FYTTD1: variants seen among roughly 807,000 people sequenced by gnomAD.
FYTTD1 encodes UAP56-interacting factor.
Under a neutral mutation model 40.9 loss-of-function variants are expected in FYTTD1, and 22 were observed. The observed-to-expected ratio is 0.54, with a 90% CI of 0.38 to 0.77. The LOEUF is 0.77. Ranked by LOEUF, FYTTD1 falls within the 30% of genes least tolerant of loss-of-function variation. The pLI, the probability that FYTTD1 is intolerant of heterozygous loss-of-function variation, is 0.00. For synonymous variants in FYTTD1, 140 were observed against 137.9 expected (o/e 1.01, Z -0.10); for missense variants, 351 against 392.2 (o/e 0.90, Z 0.89).
At chr3:197,751,530 C>T (rs925053042) in intron 1 of FYTTD1, among the ~76,000 whole-genome samples, 1 of 152,056 alleles carries the variant, frequency 6.6e-6, no homozygotes, top group Non-Finnish European at 1.5e-5. Flanking sequence ...GCCTGTAATC[C>T]CAGCTAAGAC....
In FYTTD1 at chr3:197,782,053, TTAA is replaced by T; in HGVS notation, c.*145_*147del. 1 of 454,136 alleles carries T rather than the reference TTAA, an allele frequency of 2.2e-6. No homozygotes were observed. Among genetic ancestry groups the T allele is most frequent in the Non-Finnish European group, 4.0e-6 (1 of 252,720 alleles). The allele number at this position is 454,136 out of a possible 1,614,324, so 28.1% of individuals were successfully genotyped here. On this transcript the variant is annotated 3_prime_UTR_variant, in exon 9 of 9. Transcript: ENST00000241502. ...TTTTTATTTTTGAAGGTTTTTTTTT[TTAA>T]AAAAAAAAACGTATAAAATAATGCC...
Position 197,750,626 on chromosome 3 carries a change from C to T in FYTTD1, c.103+552C>T, listed in dbSNP as rs950041176. ...GGCCATGGCTGCCGGGCGCGACTCT[C>T]GGGGCCACCTCCGGCCGCGGCCCCG... On this transcript the variant is annotated intron_variant, in intron 1 of 8. Coordinates refer to ENST00000241502, the MANE Select transcript of FYTTD1 (RefSeq NM_032288.7). The T allele has an allele frequency of 3.0e-6, 3 of 985,140 alleles. No homozygotes were observed. In the African/African-American group the frequency reaches 5.2e-5, roughly 17 times the overall value. The allele number at this position is 985,140 out of a possible 1,614,324, so 61.0% of individuals were successfully genotyped here.
Position 197,785,443 on chromosome 3 carries a change from C to T in FYTTD1, c.*3534C>T, listed in dbSNP as rs1292198193. 1.3e-5 allele frequency: 2 copies of T among 152,166 alleles called. No homozygotes were observed. The highest frequency in any genetic ancestry group is 2.9e-5 in the Non-Finnish European group (2 of 68,038). 9.4% of individuals were successfully genotyped at this position (152,166 alleles called of 1,614,324 possible). A position where few individuals can be genotyped will look rare whatever the true frequency, so the allele number is the denominator to read the frequency against. On this transcript the variant is annotated 3_prime_UTR_variant, in exon 9 of 9. Transcript: ENST00000241502. ...GTTGTTGAAGGGCCAACTGTTTAAG[C>T]CAATCGTAAAATACTGTGTCTGAGG...
At chr3:197,762,147 T>C (rs1431969434) in intron 2 of FYTTD1, among the ~76,000 whole-genome samples, 2 of 152,214 alleles carry the variant, frequency 1.3e-5, no homozygotes, top group Non-Finnish European at 2.9e-5. Context: ...AGTGTTAGTA[T>C]TTCAACATGT....
chr3:197,749,866 C>T, upstream of FYTTD1: 3 of 674,002 alleles, frequency 4.5e-6, no homozygotes, highest in Non-Finnish European at 4.5e-6. Context: ...ACGGCGCCGG[C>T]GCGTGCGCGC....
intron 1 of FYTTD1, among the ~76,000 whole-genome samples, chr3:197,751,097 TC>T (rs548427646): frequency 8.0e-4 from 122 of 152,338 alleles, no homozygotes; most frequent in Middle Eastern, 6.8e-3. Context: ...GCGTACCCTT[TC>T]CCAGGACGGT....
At chr3:197,779,181 G>A (rs1400381589) in intron 8 of FYTTD1, among the ~76,000 whole-genome samples, 1 of 152,164 alleles carries the variant, frequency 6.6e-6, no homozygotes, top group Non-Finnish European at 1.5e-5. Context: ...TTGGGAGGCC[G>A]AGGTGGGGAG....
chr3:197,765,787 G>C (rs937409012), intron 2 of FYTTD1, among the ~76,000 whole-genome samples: 16 of 151,866 alleles, frequency 1.1e-4, no homozygotes, highest in African/African-American at 3.4e-4. Context: ...ACAAGGTCAG[G>C]AGATCAAGAC....
chr3:197,760,807 A>G lies in FYTTD1; in HGVS notation c.235+4250A>G, dbSNP rs1424977808. ...GAGTTGTTCCTCAGTGGTAGAATGT[A>G]TAGATTTGTTCCTCAGTGGCAGAAT... On this transcript the variant is annotated intron_variant, in intron 2 of 8. Coordinates refer to ENST00000241502, the MANE Select transcript of FYTTD1 (RefSeq NM_032288.7). Among the ~76,000 whole-genome samples, 4 of 151,888 alleles carry G rather than the reference A, an allele frequency of 2.6e-5. No homozygotes were observed. The East Asian group carries it at 7.8e-4, about 30-fold the overall frequency.
chr3:197,750,757 G>A (rs2109031972), intron 1 of FYTTD1: 1 of 985,564 alleles, frequency 1.0e-6, no homozygotes, highest in East Asian at 1.1e-4. Flanking sequence ...CTCAGAGCTA[G>A]CTAATGGGGG....
intron 2 of FYTTD1, among the ~76,000 whole-genome samples, chr3:197,759,585 GCGTATAGAGTTGTTCTTCAGTGGTAGAA>G (rs1729311425): frequency 2.4e-5 from 3 of 122,980 alleles, no homozygotes; most frequent in African/African-American, 3.1e-5. Flanking sequence ...CAGTGGTAGA[GCGTATAGAGTTGTTCTTCAGTGGTAGAA>G]CGTATAGAGT....
At chr3:197,776,237 G>T (rs1729869573) in intron 6 of FYTTD1, among the ~76,000 whole-genome samples, 1 of 144,152 alleles carries the variant, frequency 6.9e-6, no homozygotes, top group East Asian at 2.0e-4. Context: ...ATGGAGTCTC[G>T]CTCTGTTGCC....
At chr3:197,781,198 C>T (rs1730019116) in intron 8 of FYTTD1, among the ~76,000 whole-genome samples, 1 of 151,800 alleles carries the variant, frequency 6.6e-6, no homozygotes, top group Non-Finnish European at 1.5e-5. Flanking sequence ...CCTGTAATCC[C>T]AGCTACTCGG....
At chr3:197,757,460 G>A (rs1729244337) in intron 2 of FYTTD1, among the ~76,000 whole-genome samples, 1 of 152,194 alleles carries the variant, frequency 6.6e-6, no homozygotes, top group Non-Finnish European at 1.5e-5. Context: ...TTAGTTCTGT[G>A]TTTACAGCTA....
intron 4 of FYTTD1, among the ~76,000 whole-genome samples, chr3:197,771,684 G>A (rs2109049358): frequency 6.6e-6 from 1 of 151,000 alleles, no homozygotes; most frequent in South Asian, 2.1e-4. Flanking sequence ...GGCTGAGGCA[G>A]GAGAATGGCG....
rs1032866638 is a variant in FYTTD1 at position 197,749,907 on chromosome 3, T to G, written c.-65T>G. 3 of 1,006,728 alleles carry G rather than the reference T, an allele frequency of 3.0e-6. No homozygotes were observed. The highest frequency in any genetic ancestry group is 4.2e-6 in the Non-Finnish European group (3 of 715,842). The allele number at this position is 1,006,728 out of a possible 1,614,324, so 62.4% of individuals were successfully genotyped here. A position where few individuals can be genotyped will look rare whatever the true frequency, so the allele number is the denominator to read the frequency against. ...CGGTGCGGCGGGCTGCGTGCGCGAG[T>G]GGGAGGTGGCAGGCCTGCGACTCCG... On this transcript the variant is annotated 5_prime_UTR_variant, in exon 1 of 9. Coordinates refer to ENST00000241502, the MANE Select transcript of FYTTD1 (RefSeq NM_032288.7).
At chr3:197,758,239 T>A (rs1456463734) in intron 2 of FYTTD1, among the ~76,000 whole-genome samples, 1 of 151,448 alleles carries the variant, frequency 6.6e-6, no homozygotes, top group Non-Finnish European at 1.5e-5. Flanking sequence ...TAAATGTTAT[T>A]GAACATACTA....
At chr3:197,769,133 G>C (rs1191392581) in intron 3 of FYTTD1, among the ~76,000 whole-genome samples, 2 of 151,362 alleles carry the variant, frequency 1.3e-5, no homozygotes, top group Non-Finnish European at 2.9e-5. Context: ...TGTCGCCCAG[G>C]CTGGAGTGCA....
chr3:197,777,885 T>A (rs1194989580), intron 7 of FYTTD1, among the ~76,000 whole-genome samples: 1 of 152,104 alleles, frequency 6.6e-6, no homozygotes, highest in Non-Finnish European at 1.5e-5. Context: ...CAGCTAATTT[T>A]TTTTTTGTAC....
Sources: allele counts gnomAD v4.1 joint callset (sites outside exome capture counted in the v4.1 genomes callset), GRCh38; gene constraint gnomAD v4.1.1; transcripts MANE v1.5; gene names NCBI Gene and HGNC (gene_info 2026-07-23, HGNC 2026-07-21).